Variants in FHOD3 observed in about 807,000 individuals in gnomAD.
FHOD3 encodes FH1/FH2 domain-containing protein 3.
A neutral mutation model predicts 173.0 loss-of-function variants in FHOD3; 90 were observed. That is an observed-to-expected ratio of 0.52 (90% CI 0.44 to 0.62). FHOD3 has a LOEUF of 0.62. FHOD3 is among the 20% of genes least tolerant of loss of function. The probability of loss-of-function intolerance (pLI) is 0.00; values close to 1 mark genes in which losing one functional copy is unlikely to be tolerated. For synonymous variants in FHOD3, 828 were observed against 823.0 expected (o/e 1.01, Z -0.10); for missense variants, 1,945 against 2,034.7 (o/e 0.96, Z 0.85).
chr18:36,577,229 T>G (rs945297117), intron 6 of FHOD3, among the ~76,000 whole-genome samples: 2 of 152,238 alleles, frequency 1.3e-5, no homozygotes, highest in Non-Finnish European at 2.9e-5. Context: ...CGAGATTACC[T>G]TTCAGCTCTA....
chr18:36,454,843 T>G (rs2052078017), intron 3 of FHOD3, among the ~76,000 whole-genome samples: 1 of 152,178 alleles, frequency 6.6e-6, no homozygotes, highest in South Asian at 2.1e-4. Context: ...CATATTCAGC[T>G]GCCACCTACA....
At chr18:36,573,535 G>A (rs965337289) in intron 5 of FHOD3, among the ~76,000 whole-genome samples, 18 of 152,132 alleles carry the variant, frequency 1.2e-4, no homozygotes, top group Non-Finnish European at 1.6e-4. Context: ...GAGCCTGGGT[G>A]GATAAGGCTG....
At chr18:36,342,090 G>T (rs987965174) in intron 1 of FHOD3, among the ~76,000 whole-genome samples, 7 of 152,114 alleles carry the variant, frequency 4.6e-5, no homozygotes, top group African/African-American at 1.7e-4. Flanking sequence ...AAAAAGTATG[G>T]AGTAAATGGT....
In FHOD3 at chr18:36,406,083, GTTTTTGTTTTTGTT is replaced by G. The variant is rs1164206532; in HGVS notation, c.337+33357_337+33370del. 2.6e-3 allele frequency among the ~76,000 whole-genome samples: 269 copies of G among 102,862 alleles called. 2 individuals are homozygous for G. Among genetic ancestry groups the G allele is most frequent in the African/African-American group, 7.9e-3 (248 of 31,402 alleles). 67.5% of individuals were successfully genotyped at this position (102,862 alleles called of 152,430 possible). ...CACATTGTGGCCTTGCCTGTTTTTT[GTTTTTGTTTTTGTT>G]TTTTTGTTTTTGTTTTTGTTTTTTT... On this transcript the variant is annotated intron_variant, in intron 3 of 28. Coordinates refer to ENST00000590592, the MANE Select transcript of FHOD3 (RefSeq NM_001281740.3).
intron 4 of FHOD3, among the ~76,000 whole-genome samples, chr18:36,505,725 T>A (rs959605649): frequency 1.3e-5 from 2 of 152,230 alleles, no homozygotes; most frequent in African/African-American, 4.8e-5. Flanking sequence ...GATGAAAATT[T>A]GATGCCAGAA....
At chr18:36,567,805 C>T (rs1283663254) in intron 5 of FHOD3, among the ~76,000 whole-genome samples, 1 of 152,080 alleles carries the variant, frequency 6.6e-6, no homozygotes, top group Non-Finnish European at 1.5e-5. Flanking sequence ...ATGTTTCTCA[C>T]TCTGTTATCT....
intron 28 of FHOD3, among the ~76,000 whole-genome samples, chr18:36,772,314 C>T (rs1410207781): frequency 2.0e-5 from 3 of 152,194 alleles, no homozygotes; most frequent in East Asian, 3.8e-4. Flanking sequence ...ATGATAAACT[C>T]CAGCTTTTCA....
At chr18:36,441,500 G>C (rs1011349370) in intron 3 of FHOD3, among the ~76,000 whole-genome samples, 2 of 152,210 alleles carry the variant, frequency 1.3e-5, no homozygotes, top group African/African-American at 2.4e-5. Context: ...GGTCCAGAAG[G>C]CTTCAGGAGG....
intron 24 of FHOD3, among the ~76,000 whole-genome samples, chr18:36,753,836 G>A (rs539892290): frequency 2.0e-5 from 3 of 152,260 alleles, no homozygotes; most frequent in East Asian, 3.9e-4. Context: ...TCTCTTGGCC[G>A]TGTGCATATC....
intron 6 of FHOD3, among the ~76,000 whole-genome samples, chr18:36,583,756 G>T (rs1315650195): frequency 2.0e-5 from 3 of 152,142 alleles, no homozygotes; most frequent in African/African-American, 7.2e-5. Flanking sequence ...GTAGCCCACA[G>T]TTGACATTTG....
chr18:36,747,998 C>A (rs2150122869), intron 24 of FHOD3, among the ~76,000 whole-genome samples: 1 of 152,184 alleles, frequency 6.6e-6, no homozygotes, highest in Middle Eastern at 3.4e-3. Context: ...CTTTTATCTG[C>A]ACATGAACCC....
chr18:36,562,106 T>G (rs1341342087), intron 5 of FHOD3, among the ~76,000 whole-genome samples: 1 of 152,100 alleles, frequency 6.6e-6, no homozygotes, highest in Non-Finnish European at 1.5e-5. Flanking sequence ...AACCTCCGCC[T>G]CCCGGATTCA....
chr18:36,663,144 C>T (rs912771677), intron 14 of FHOD3, among the ~76,000 whole-genome samples: 1 of 152,098 alleles, frequency 6.6e-6, no homozygotes, highest in Non-Finnish European at 1.5e-5. Flanking sequence ...CTGGTTTCTT[C>T]TAGTACTTCT....
chr18:36,649,552 C>A, intron 11 of FHOD3, 147 bp downstream of exon 11: 1 of 536,306 alleles, frequency 1.9e-6, no homozygotes, highest in South Asian at 2.9e-5. Context: ...AGCCACAGAA[C>A]CACTGGTTTT....
chr18:36,372,771 A>G, intron 3 of FHOD3, 27 bp downstream of exon 3: 1 of 1,602,950 alleles, frequency 6.2e-7, no homozygotes, highest in Non-Finnish European at 8.5e-7. Flanking sequence ...CTCAGGAACT[A>G]AACATATGAT....
chr18:36,452,866 G>A (rs2051946990), intron 3 of FHOD3, among the ~76,000 whole-genome samples: 1 of 151,944 alleles, frequency 6.6e-6, no homozygotes, highest in African/African-American at 2.4e-5. Context: ...GTATATGTAT[G>A]TGTATATATA....
chr18:36,779,084 GT>G, intron 28 of FHOD3: 1 of 242,836 alleles, frequency 4.1e-6, no homozygotes, highest in Non-Finnish European at 8.0e-6. Flanking sequence ...CTCATACTGG[GT>G]AGATGCTGAG....
chr18:36,660,998 C>T (rs2036757920), intron 14 of FHOD3, among the ~76,000 whole-genome samples: 1 of 152,138 alleles, frequency 6.6e-6, no homozygotes, highest in Non-Finnish European at 1.5e-5. Flanking sequence ...TTCACTGTCA[C>T]CTTGTGTGGC....
At chr18:36,779,368 G>A in intron 28 of FHOD3, 80 bp from the exon 29 acceptor site, 2 of 1,327,830 alleles carry the variant, frequency 1.5e-6, no homozygotes, top group South Asian at 2.4e-5. Flanking sequence ...GGGGACTGGA[G>A]TCTTGACTGC....
Sources: gnomAD v4.1 joint callset for allele counts (sites outside exome capture counted in the v4.1 genomes callset) on GRCh38, gnomAD v4.1.1 for gene constraint, MANE v1.5 for transcripts, NCBI Gene and HGNC (gene_info 2026-07-23, HGNC 2026-07-21) for gene names.